The following NAV3 variants were observed in gnomAD, a reference collection of about 807,000 sequenced individuals.
NAV3 encodes the protein pore membrane and/or filament interacting like protein 1.
A neutral mutation model predicts 244.7 loss-of-function variants in NAV3; 87 were observed. The ratio of observed to expected loss-of-function variants is 0.36; its 90% confidence interval spans 0.30 to 0.42. The LOEUF (loss-of-function observed/expected upper bound fraction) is 0.42, where lower values mean the gene tolerates loss of function less well. NAV3 is among the 20% of genes least tolerant of loss of function. The pLI is 1.00. For missense variants in NAV3, 2,663 were observed against 2,893.3 expected (o/e 0.92, Z 1.83); for synonymous variants, 1,126 against 1,042.2 (o/e 1.08, Z -1.55).
At chr12:77,641,832 A>G (rs1485948917) in intron 2 of NAV3, among the ~76,000 whole-genome samples, 1 of 152,154 alleles carries the variant, frequency 6.6e-6, no homozygotes, top group East Asian at 1.9e-4. Context: ...TTCATTAGCT[A>G]TATCCTACAT....
chr12:78,163,169 G>A (rs1957638098), intron 23 of NAV3, among the ~76,000 whole-genome samples: 1 of 151,636 alleles, frequency 6.6e-6, no homozygotes, highest in Non-Finnish European at 1.5e-5. Context: ...GGGCTTCACA[G>A]TGTGATTTTC....
At chr12:77,594,192 A>G (rs1343316326) in intron 2 of NAV3, among the ~76,000 whole-genome samples, 1 of 152,130 alleles carries the variant, frequency 6.6e-6, no homozygotes, top group Non-Finnish European at 1.5e-5. Flanking sequence ...CACTTTATTT[A>G]ATTATTCCTA....
chr12:77,970,572 G>A (rs73344802), intron 5 of NAV3, among the ~76,000 whole-genome samples: 5,836 of 152,030 alleles, frequency 0.038, 207 homozygotes, highest in African/African-American at 0.096. Context: ...AAAATATAAA[G>A]CTTATGAAGT....
chr12:78,110,114 A>T (rs1389079408), intron 12 of NAV3, among the ~76,000 whole-genome samples: 1 of 152,094 alleles, frequency 6.6e-6, no homozygotes, highest in African/African-American at 2.4e-5. Flanking sequence ...TACAAAATAA[A>T]AATACAAAAG....
At chr12:77,665,621 G>A (rs1873678398) in intron 2 of NAV3, among the ~76,000 whole-genome samples, 1 of 152,132 alleles carries the variant, frequency 6.6e-6, no homozygotes, top group South Asian at 2.1e-4. Flanking sequence ...ATTTTTTTGA[G>A]TTATAAATAT....
rs778799852 is a variant in NAV3, at chr12:78,006,999, G to C, written c.1461G>C (p.Glu487Asp). The C allele has an allele frequency of 3.7e-6, 6 of 1,614,016 alleles. No homozygotes were observed. The Admixed American group carries it at 1.0e-4, about 27-fold the overall frequency. The change falls in exon 8 of 40, where the codon GAG (glutamate) becomes GAC (aspartate). Residue 487 changes from glutamate (E) to aspartate (D), a missense_variant. Transcript: ENST00000397909. ...KVCTEKPVKEEKDQVTEMAPK... is the reference protein window; with the variant it reads ...KVCTEKPVKEDKDQVTEMAPK... ...GCACTGAAAAACCAGTCAAAGAAGA[G>C]AAGGATCAGGTGACAGAGATGGCTC...
At chr12:77,610,880 T>C (rs951529574) in intron 2 of NAV3, among the ~76,000 whole-genome samples, 1 of 151,844 alleles carries the variant, frequency 6.6e-6, no homozygotes, top group Admixed American at 6.6e-5. Context: ...ATGTGTGTGA[T>C]TGATAAACTT....
At chr12:77,628,715 C>G (rs1277424596) in intron 2 of NAV3, among the ~76,000 whole-genome samples, 1 of 151,420 alleles carries the variant, frequency 6.6e-6, no homozygotes, top group Non-Finnish European at 1.5e-5. Context: ...GAAACCCTAT[C>G]TCTACTAAAA....
chr12:77,723,207 C>T (rs1403771228), intron 2 of NAV3, among the ~76,000 whole-genome samples: 5 of 151,956 alleles, frequency 3.3e-5, no homozygotes, highest in Non-Finnish European at 7.4e-5. Context: ...ATATACCAAA[C>T]ATTTCCTCAG....
chr12:77,864,745 ATTAAT>A (rs1454134082), intron 1 of NAV3, among the ~76,000 whole-genome samples: 1 of 151,884 alleles, frequency 6.6e-6, no homozygotes, highest in Non-Finnish European at 1.5e-5. Flanking sequence ...TAGTTCTCCT[ATTAAT>A]TTATTTGTTG....
intron 4 of NAV3, among the ~76,000 whole-genome samples, chr12:77,967,340 G>T (rs1892608126): frequency 6.6e-6 from 1 of 151,916 alleles, no homozygotes; most frequent in African/African-American, 2.4e-5. Context: ...AATCTTTCAG[G>T]TTTATAGGAG....
At chr12:78,156,357 C>G (rs1433850035) in intron 22 of NAV3, among the ~76,000 whole-genome samples, 2 of 151,980 alleles carry the variant, frequency 1.3e-5, no homozygotes, top group East Asian at 3.9e-4. Context: ...GAAAACAACA[C>G]GACTCAAAAT....
At chr12:78,204,832 T>C in intron 38 of NAV3, 103 bp from the exon 39 acceptor site, 1 of 975,356 alleles carries the variant, frequency 1.0e-6, no homozygotes, top group Non-Finnish European at 1.5e-6. Flanking sequence ...GAAAGTCCCT[T>C]AAGAACTCAA....
At position 77,890,838 on chromosome 12, in the gene NAV3, G is replaced by A. The variant is rs115212812; in HGVS notation, c.244-49481G>A. Among the ~76,000 whole-genome samples, 1,265 of 152,296 alleles carry A rather than the reference G, an allele frequency of 8.3e-3. 21 individuals carry two copies. Among genetic ancestry groups the A allele is most frequent in the African/African-American group, 0.029 (1,206 of 41,564 alleles). On this transcript the variant is annotated intron_variant, in intron 1 of 39. Coordinates refer to ENST00000397909, the MANE Select transcript of NAV3 (RefSeq NM_001024383.2). ...TGTAAACTCTGCAGGAAAGCTGCAC[G>A]AGTTCTCCTGAAAGTAAATTCAAGT...
intron 22 of NAV3, among the ~76,000 whole-genome samples, chr12:78,154,103 AAAT>A (rs1206880609): frequency 6.8e-6 from 1 of 146,346 alleles, no homozygotes; most frequent in Non-Finnish European, 1.5e-5. Flanking sequence ...TTTCCCATAT[AAAT>A]AATAAAATGC....
intron 2 of NAV3, among the ~76,000 whole-genome samples, chr12:77,616,726 G>GCACACACA (rs201827482): frequency 2.7e-5 from 4 of 148,434 alleles, no homozygotes; most frequent in African/African-American, 1.0e-4. Flanking sequence ...CTACACACAG[G>GCACACACA]CGCGCACACA....
chr12:78,127,955 T>C (rs1350195991), intron 17 of NAV3, among the ~76,000 whole-genome samples: 1 of 152,180 alleles, frequency 6.6e-6, no homozygotes, highest in Non-Finnish European at 1.5e-5. Context: ...AGAGATAGAA[T>C]GATCTACTAA....
At chr12:78,091,253 T>G (rs1215989667) in intron 12 of NAV3, among the ~76,000 whole-genome samples, 1 of 152,226 alleles carries the variant, frequency 6.6e-6, no homozygotes, top group East Asian at 1.9e-4. Context: ...ACAATAGTAG[T>G]AACTTTACTT....
chr12:78,186,953 T>C (rs1466374852), intron 31 of NAV3, among the ~76,000 whole-genome samples: 1 of 151,860 alleles, frequency 6.6e-6, no homozygotes, highest in Non-Finnish European at 1.5e-5. Flanking sequence ...TCCTGAATTA[T>C]CTACTTTACC....
Sources: allele counts gnomAD v4.1 joint callset (sites outside exome capture counted in the v4.1 genomes callset), GRCh38; gene constraint gnomAD v4.1.1; transcripts MANE v1.5; gene names NCBI Gene and HGNC (gene_info 2026-07-23, HGNC 2026-07-21).